The following PCDH9 variants were observed in gnomAD, a reference collection of about 807,000 sequenced individuals.
The protein encoded by PCDH9 is protocadherin-9.
In PCDH9, 24 loss-of-function variants were observed where a neutral mutation model predicts 70.6. The observed-to-expected ratio is 0.34, with a 90% CI of 0.25 to 0.48. The LOEUF (loss-of-function observed/expected upper bound fraction) is 0.48. PCDH9 is among the 20% of genes least tolerant of loss of function. The pLI is 0.99. For synonymous variants in PCDH9, 562 were observed against 558.5 expected, an observed-to-expected ratio of 1.01 and a Z score of -0.09; for missense variants, 1,281 against 1,503.6, an observed-to-expected ratio of 0.85 and a Z score of 2.45.
intron 4 of PCDH9, among the ~76,000 whole-genome samples, chr13:66,471,707 G>T (rs1260351779): frequency 1.3e-5 from 2 of 152,072 alleles, no homozygotes; most frequent in Admixed American, 1.3e-4. Flanking sequence ...TAAGTAGCTT[G>T]CTCAAATTTC....
At chr13:67,189,028 A>C (rs2088837086) in intron 2 of PCDH9, among the ~76,000 whole-genome samples, 1 of 152,026 alleles carries the variant, frequency 6.6e-6, no homozygotes, top group Admixed American at 6.6e-5. Flanking sequence ...CTTATGACTG[A>C]GAACATACGA....
chr13:66,318,812 A>C (rs554621035), intron 4 of PCDH9, among the ~76,000 whole-genome samples: 1 of 152,326 alleles, frequency 6.6e-6, no homozygotes, highest in East Asian at 1.9e-4. Context: ...GCTTTCCCTT[A>C]ACAATTAAAT....
chr13:67,173,999 T>C (rs1242575955), intron 2 of PCDH9, among the ~76,000 whole-genome samples: 1 of 152,178 alleles, frequency 6.6e-6, no homozygotes, highest in African/African-American at 2.4e-5. Flanking sequence ...TCATATGATA[T>C]TAAAGTTTAT....
At chr13:66,696,791 T>C (rs1802859011) in intron 3 of PCDH9, among the ~76,000 whole-genome samples, 1 of 150,972 alleles carries the variant, frequency 6.6e-6, no homozygotes, top group South Asian at 2.1e-4. Flanking sequence ...AACTTTTTTT[T>C]TTTTTTTTTT....
At chr13:66,771,231 C>T (rs1594037046) in intron 3 of PCDH9, among the ~76,000 whole-genome samples, 2 of 152,170 alleles carry the variant, frequency 1.3e-5, no homozygotes, top group South Asian at 4.1e-4. Flanking sequence ...CATAGGTGTG[C>T]ACCATTGCAC....
chr13:66,903,733 G>C (rs1441579445), intron 2 of PCDH9, 128 bp from the exon 3 acceptor site: 3 of 444,404 alleles, frequency 6.8e-6, no homozygotes, highest in Non-Finnish European at 1.2e-5. Flanking sequence ...CACACCCAGA[G>C]ATACATGCAT....
chr13:66,649,015 A>G (rs2077812672), intron 3 of PCDH9, among the ~76,000 whole-genome samples: 1 of 152,116 alleles, frequency 6.6e-6, no homozygotes, highest in Non-Finnish European at 1.5e-5. Flanking sequence ...CTGTCAGAAG[A>G]GACAAAAAAC....
intron 4 of PCDH9, among the ~76,000 whole-genome samples, chr13:66,610,258 A>G (rs1455933824): frequency 1.3e-5 from 2 of 152,048 alleles, no homozygotes; most frequent in Non-Finnish European, 2.9e-5. Flanking sequence ...GAGAGAGAGC[A>G]ACAGAGCAAA....
chr13:66,539,940 G>T (rs1960878932), intron 4 of PCDH9, among the ~76,000 whole-genome samples: 1 of 141,224 alleles, frequency 7.1e-6, no homozygotes, highest in East Asian at 2.1e-4. Flanking sequence ...GTGGAATCAA[G>T]CTCACTGCAG....
chr13:66,761,817 T>C (rs1039629714), intron 3 of PCDH9, among the ~76,000 whole-genome samples: 1 of 125,344 alleles, frequency 8.0e-6, no homozygotes, highest in Non-Finnish European at 1.8e-5. Context: ...TTGGTGAGCT[T>C]CCTTAAAAAA....
intron 4 of PCDH9, among the ~76,000 whole-genome samples, chr13:66,490,944 C>G (rs116983476): frequency 0.035 from 5,292 of 152,242 alleles, 138 homozygotes; most frequent in South Asian, 0.11. Flanking sequence ...TTGAGAATGA[C>G]AGCTTGTCTT....
intron 2 of PCDH9, among the ~76,000 whole-genome samples, chr13:66,925,850 G>A (rs2082709600): frequency 6.6e-6 from 1 of 151,818 alleles, no homozygotes; most frequent in Admixed American, 6.6e-5. Context: ...ATCATTCATT[G>A]CCGAGCTTCA....
chr13:66,460,088 A>C (rs169134), intron 4 of PCDH9, among the ~76,000 whole-genome samples: 1 of 151,822 alleles, frequency 6.6e-6, no homozygotes, highest in Non-Finnish European at 1.5e-5. Flanking sequence ...TACCACTTAA[A>C]TTTTACATGC....
At chr13:66,682,777 T>C (rs1253277497) in intron 3 of PCDH9, among the ~76,000 whole-genome samples, 1 of 152,190 alleles carries the variant, frequency 6.6e-6, no homozygotes, top group Non-Finnish European at 1.5e-5. Flanking sequence ...ATTTTCTTTA[T>C]CTAATTACTT....
intron 4 of PCDH9, among the ~76,000 whole-genome samples, chr13:66,356,734 T>C (rs1956390394): frequency 6.6e-6 from 1 of 152,136 alleles, no homozygotes; most frequent in African/African-American, 2.4e-5. Flanking sequence ...CATCTTGTAG[T>C]TACAGTAAGC....
chr13:66,719,569 A>G lies in PCDH9; in HGVS notation c.3139-88158T>C, dbSNP rs2078914848. On this transcript the variant is annotated intron_variant, in intron 3 of 4. Coordinates refer to ENST00000377865, the MANE Select transcript of PCDH9 (RefSeq NM_203487.3). ...TAGACTTCCTGTCTGCAGAACTGTGAAAACTAAATATCTGTTTTTTTAATA... is the reference window on the plus strand; with the variant it reads ...TAGACTTCCTGTCTGCAGAACTGTGGAAACTAAATATCTGTTTTTTTAATA... 3.3e-5 allele frequency among the ~76,000 whole-genome samples: 5 copies of G among 152,298 alleles called. No individual in the cohort carries two copies. The South Asian group carries it at 1.0e-3, about 32-fold the overall frequency.
intron 4 of PCDH9, among the ~76,000 whole-genome samples, chr13:66,370,080 A>G (rs1019612970): frequency 1.3e-5 from 2 of 152,066 alleles, no homozygotes; most frequent in Non-Finnish European, 2.9e-5. Context: ...TCTTCACTGC[A>G]CTCAACACTG....
intron 3 of PCDH9, among the ~76,000 whole-genome samples, chr13:66,667,583 T>A (rs965723545): frequency 1.3e-5 from 2 of 152,128 alleles, no homozygotes; most frequent in Admixed American, 6.6e-5. Flanking sequence ...TTATCGTGTT[T>A]TATTACTTAG....
Position 66,507,710 on chromosome 13 carries a change from G to C in PCDH9, c.3340+123500C>G, listed in dbSNP as rs1366106221. Among the ~76,000 whole-genome samples the C allele has an allele frequency of 1.3e-4, 19 of 148,888 alleles. No homozygotes were observed. The East Asian group carries it at 3.3e-3, about 26-fold the overall frequency. On this transcript the variant is annotated intron_variant, in intron 4 of 4. Transcript: ENST00000377865. ...CATTTCCTTTCTTTTTTGTTTGTTTGTTTGTTTGTTTGTTTGTTTGTTTGT... is the reference window on the plus strand; with the variant it reads ...CATTTCCTTTCTTTTTTGTTTGTTTCTTTGTTTGTTTGTTTGTTTGTTTGT...
Sources: allele counts gnomAD v4.1 joint callset (sites outside exome capture counted in the v4.1 genomes callset), GRCh38; gene constraint gnomAD v4.1.1; transcripts MANE v1.5; gene names NCBI Gene and HGNC (gene_info 2026-07-23, HGNC 2026-07-21).